The following MRPS27 variants were observed in gnomAD, a reference collection of about 807,000 sequenced individuals.
MRPS27 encodes mitochondrial ribosomal protein S27.
In MRPS27, 43 loss-of-function variants were observed where a neutral mutation model predicts 48.9. The ratio of observed to expected loss-of-function variants is 0.88; its 90% CI spans 0.69 to 1.13. MRPS27 has a LOEUF of 1.13. MRPS27 is among the 50% of genes most tolerant of loss of function. The pLI is 0.00. For missense variants in MRPS27, 467 were observed against 476.3 expected, an observed-to-expected ratio of 0.98 and a Z score of 0.18; for synonymous variants, 188 against 171.9, an observed-to-expected ratio of 1.09 and a Z score of -0.73.
intron 4 of MRPS27, among the ~76,000 whole-genome samples, chr5:72,289,127 T>C (rs1749752460): frequency 2.0e-5 from 3 of 152,220 alleles, no homozygotes; most frequent in African/African-American, 7.2e-5. Context: ...TGACCTGCTA[T>C]CCATCTCCAA....
At chr5:72,240,313 A>G (rs758030342) in intron 4 of MRPS27, among the ~76,000 whole-genome samples, 2 of 152,210 alleles carry the variant, frequency 1.3e-5, no homozygotes, top group East Asian at 1.9e-4. Flanking sequence ...GTGGAGCATG[A>G]TAAGTGCTAA....
chr5:72,250,792 G>T (rs536290381), intron 4 of MRPS27, among the ~76,000 whole-genome samples: 1 of 152,220 alleles, frequency 6.6e-6, no homozygotes, highest in African/African-American at 2.4e-5. Flanking sequence ...TAAAGACAAG[G>T]TCTCACTCTG....
rs1041435567 is a variant in MRPS27 at position 72,220,384 on chromosome 5, G to A, written c.*525C>T. ...AAAAATGCAAAAATTAGAAAGGTGT[G>A]GTGGTATGCACCTGTAATCCCACCT... On this transcript the variant is annotated 3_prime_UTR_variant, in exon 11 of 11. Coordinates refer to ENST00000261413, the MANE Select transcript of MRPS27 (RefSeq NM_015084.3). The A allele has an allele frequency of 2.6e-5, 4 of 153,186 alleles. No individual in the cohort carries two copies. Among genetic ancestry groups the A allele is most frequent in the African/African-American group, 4.8e-5 (2 of 41,456 alleles). The allele number at this position is 153,186 out of a possible 1,614,324, so 9.5% of individuals were successfully genotyped here. A position where few individuals can be genotyped will look rare whatever the true frequency, so the allele number is the denominator to read the frequency against.
intron 6 of MRPS27, among the ~76,000 whole-genome samples, chr5:72,232,946 C>T (rs1748101976): frequency 6.6e-6 from 1 of 152,164 alleles, no homozygotes; most frequent in Non-Finnish European, 1.5e-5. Flanking sequence ...AAATTTAAGG[C>T]ATCATGTCTA....
At chr5:72,278,161 G>A (rs1749427459) in intron 4 of MRPS27, among the ~76,000 whole-genome samples, 1 of 152,038 alleles carries the variant, frequency 6.6e-6, no homozygotes, top group Non-Finnish European at 1.5e-5. Flanking sequence ...TTTAAAATCT[G>A]GCCAGGCGCA....
intron 4 of MRPS27, among the ~76,000 whole-genome samples, chr5:72,268,221 A>G (rs997083819): frequency 6.6e-6 from 1 of 152,182 alleles, no homozygotes; most frequent in African/African-American, 2.4e-5. Context: ...AATACAACAA[A>G]CTTAATTTAT....
At chr5:72,238,909 C>A (rs145687019) in intron 4 of MRPS27, among the ~76,000 whole-genome samples, 2 of 152,134 alleles carry the variant, frequency 1.3e-5, no homozygotes, top group Non-Finnish European at 2.9e-5. Flanking sequence ...CTGCTACTCC[C>A]GGTTCCTGGG....
chr5:72,250,207 T>C (rs1561339320), intron 4 of MRPS27, among the ~76,000 whole-genome samples: 2 of 152,228 alleles, frequency 1.3e-5, no homozygotes, highest in African/African-American at 4.8e-5. Flanking sequence ...GTCTTTTTTG[T>C]TTCCTTGGGT....
intron 1 of MRPS27, among the ~76,000 whole-genome samples, chr5:72,317,929 G>T (rs1489453073): frequency 1.3e-5 from 2 of 152,178 alleles, no homozygotes; most frequent in Non-Finnish European, 2.9e-5. Flanking sequence ...TTAAGCTGGG[G>T]TGTCCATTTT....
At chr5:72,308,014 TG>T (rs1467991369) in intron 2 of MRPS27, 1 of 152,258 alleles carries the variant, frequency 6.6e-6, no homozygotes, top group Non-Finnish European at 1.5e-5. Flanking sequence ...CTCTCCACGG[TG>T]GAACTGGCAG....
chr5:72,299,209 C>A lies in MRPS27; in HGVS notation c.152-1507G>T, dbSNP rs141038761. 5.2e-3 allele frequency among the ~76,000 whole-genome samples: 785 copies of A among 151,978 alleles called. 4 individuals are homozygous for A. Among genetic ancestry groups the A allele is most frequent in the Non-Finnish European group, 8.6e-3 (585 of 67,968 alleles). On this transcript the variant is annotated intron_variant, in intron 2 of 10. Transcript: ENST00000261413. ...ATCACTTATACCCCAAACCTCAGTG[C>A]CATGCAATATACCCATGTAACAAAC...
intron 4 of MRPS27, among the ~76,000 whole-genome samples, chr5:72,287,985 G>T (rs1749719324): frequency 6.6e-6 from 1 of 152,160 alleles, no homozygotes; most frequent in African/African-American, 2.4e-5. Flanking sequence ...ATACTCCTAG[G>T]GACTCAGGAC....
intron 2 of MRPS27, 129 bp from the exon 3 acceptor site, chr5:72,297,831 ATAAAT>A (rs1750020790): frequency 4.0e-5 from 18 of 452,516 alleles, no homozygotes; most frequent in South Asian, 3.2e-4. Flanking sequence ...TTATTTTTAT[ATAAAT>A]TAAAGAGGAA....
At chr5:72,294,903 C>G (rs992636936) in intron 4 of MRPS27, 1 of 151,938 alleles carries the variant, frequency 6.6e-6, no homozygotes, top group South Asian at 2.1e-4. Flanking sequence ...AGGAAATGCT[C>G]ATTGAAGCAT....
At chr5:72,304,791 C>G (rs1362518564) in intron 2 of MRPS27, among the ~76,000 whole-genome samples, 2 of 152,144 alleles carry the variant, frequency 1.3e-5, no homozygotes, top group East Asian at 3.8e-4. Context: ...ATCCTTCTAG[C>G]TTCAGGTGAG....
intron 10 of MRPS27, 32 bp from the exon 11 acceptor site, chr5:72,221,180 A>G (rs780684434): frequency 2.5e-6 from 4 of 1,606,068 alleles, no homozygotes; most frequent in Admixed American, 3.4e-5. Context: ...AATGAGAAGA[A>G]AGGTAGAGAA....
chr5:72,291,443 G>A (rs1414614730), intron 4 of MRPS27, among the ~76,000 whole-genome samples: 1 of 152,126 alleles, frequency 6.6e-6, no homozygotes, highest in African/African-American at 2.4e-5. Flanking sequence ...AAATCTTTGG[G>A]ATATGGTAAC....
chr5:72,229,712 G>A (rs1374046311), intron 7 of MRPS27, among the ~76,000 whole-genome samples: 1 of 152,070 alleles, frequency 6.6e-6, no homozygotes, highest in African/African-American at 2.4e-5. Context: ...ACAGTGACTG[G>A]GATGGTTATA....
At chr5:72,257,499 C>G (rs961981488) in intron 4 of MRPS27, among the ~76,000 whole-genome samples, 2 of 152,178 alleles carry the variant, frequency 1.3e-5, no homozygotes, top group African/African-American at 4.8e-5. Context: ...TCAGTTGAAT[C>G]TGGTGGTTCC....
Sources: gnomAD v4.1 joint callset for allele counts (sites outside exome capture counted in the v4.1 genomes callset) on GRCh38, gnomAD v4.1.1 for gene constraint, MANE v1.5 for transcripts, NCBI Gene and HGNC (gene_info 2026-07-23, HGNC 2026-07-21) for gene names.